Variants in GALNT2 observed in about 807,000 individuals in gnomAD.
GALNT2 encodes the protein polypeptide N-acetylgalactosaminyltransferase 2, also known as UDP-GalNAc:polypeptide N-acetylgalactosaminyltransferase 2.
In GALNT2, 31 loss-of-function variants were observed where a neutral mutation model predicts 81.4. The observed-to-expected ratio is 0.38, with a 90% CI of 0.29 to 0.51. GALNT2 has a LOEUF of 0.51. GALNT2 is among the 20% of genes least tolerant of loss of function. The pLI is 0.87. For missense variants in GALNT2, 629 were observed against 765.7 expected, an observed-to-expected ratio of 0.82 and a Z score of 2.11; for synonymous variants, 303 against 287.4, an observed-to-expected ratio of 1.05 and a Z score of -0.55.
chr1:230,223,491 T>A (rs1347841719), intron 3 of GALNT2, among the ~76,000 whole-genome samples: 10 of 152,032 alleles, frequency 6.6e-5, no homozygotes, highest in Non-Finnish European at 1.3e-4. Flanking sequence ...TTTTTTGAGA[T>A]GGAGTCTTAC....
intron 6 of GALNT2, among the ~76,000 whole-genome samples, chr1:230,237,500 C>T (rs910030162): frequency 2.3e-4 from 35 of 152,160 alleles, no homozygotes; most frequent in Non-Finnish European, 4.4e-4. Flanking sequence ...ATTCCTTCAT[C>T]AGTGTAAAAC....
chr1:230,190,453 C>G (rs143004427), intron 2 of GALNT2, among the ~76,000 whole-genome samples: 4 of 152,244 alleles, frequency 2.6e-5, no homozygotes, highest in African/African-American at 9.6e-5. Flanking sequence ...TCTCTGACAA[C>G]AGGTCCTGAG....
intron 1 of GALNT2, among the ~76,000 whole-genome samples, chr1:230,095,269 C>T (rs59631998): frequency 0.047 from 7,203 of 152,204 alleles, 532 homozygotes; most frequent in East Asian, 0.33. Flanking sequence ...AAAATAGTAA[C>T]CCCACATGCT....
At chr1:230,176,129 A>G (rs1051246056) in intron 1 of GALNT2, among the ~76,000 whole-genome samples, 1 of 152,180 alleles carries the variant, frequency 6.6e-6, no homozygotes, top group African/African-American at 2.4e-5. Flanking sequence ...CACTAGTTTT[A>G]TAGTAGGCAT....
At chr1:230,073,776 C>T (rs1571928531) in intron 1 of GALNT2, among the ~76,000 whole-genome samples, 1 of 152,196 alleles carries the variant, frequency 6.6e-6, no homozygotes, top group African/African-American at 2.4e-5. Flanking sequence ...GGAAATGGGC[C>T]GATCCCTCAT....
intron 1 of GALNT2, among the ~76,000 whole-genome samples, chr1:230,098,701 G>A (rs1463401044): frequency 1.3e-5 from 2 of 152,052 alleles, no homozygotes; most frequent in African/African-American, 2.4e-5. Context: ...TTGATCTGAG[G>A]GCAGGATTTA....
chr1:230,200,618 G>A (rs941571203), intron 2 of GALNT2, among the ~76,000 whole-genome samples: 1 of 152,222 alleles, frequency 6.6e-6, no homozygotes, highest in Non-Finnish European at 1.5e-5. Context: ...ACAAAGAGAT[G>A]TATGGGTGGA....
chr1:230,255,107 G>A (rs1025360390), intron 10 of GALNT2, 111 bp from the exon 11 acceptor site: 1 of 1,478,634 alleles, frequency 6.8e-7, no homozygotes. Flanking sequence ...GAGGGCATGG[G>A]AGCCCCATGA....
chr1:230,157,721 G>A (rs1262955030), intron 1 of GALNT2, among the ~76,000 whole-genome samples: 2 of 152,156 alleles, frequency 1.3e-5, no homozygotes, highest in Non-Finnish European at 2.9e-5. Flanking sequence ...GCATTAAGAA[G>A]CCAGGTCCAA....
intron 3 of GALNT2, among the ~76,000 whole-genome samples, chr1:230,216,535 C>T (rs764266692): frequency 3.9e-5 from 6 of 152,216 alleles, no homozygotes; most frequent in Admixed American, 6.5e-5. Flanking sequence ...AACTCCTGGG[C>T]TCAAGCCATC....
chr1:230,136,009 A>G (rs1661526649), intron 1 of GALNT2, among the ~76,000 whole-genome samples: 1 of 151,958 alleles, frequency 6.6e-6, no homozygotes, highest in Admixed American at 6.6e-5. Flanking sequence ...TCTCTTTCTG[A>G]TCCTTAGTTT....
At chr1:230,076,047 A>G (rs12048446) in intron 1 of GALNT2, among the ~76,000 whole-genome samples, 32,604 of 152,104 alleles carry the variant, frequency 0.21, 6,865 homozygotes, top group African/African-American at 0.55. Context: ...TCCATGCTGT[A>G]GACATCTTGG....
chr1:230,102,802 G>C (rs1660438811), intron 1 of GALNT2, among the ~76,000 whole-genome samples: 1 of 152,178 alleles, frequency 6.6e-6, no homozygotes, highest in Non-Finnish European at 1.5e-5. Flanking sequence ...CAGAGTCTTG[G>C]GTGGTGGAAA....
At chr1:230,060,525 C>T (rs1488580836) in intron 1 of GALNT2, among the ~76,000 whole-genome samples, 1 of 152,120 alleles carries the variant, frequency 6.6e-6, no homozygotes, top group East Asian at 1.9e-4. Flanking sequence ...CATCCCCTCA[C>T]CACCACCACC....
intron 1 of GALNT2, among the ~76,000 whole-genome samples, chr1:230,159,286 T>C (rs1293230784): frequency 1.3e-5 from 2 of 152,210 alleles, no homozygotes; most frequent in African/African-American, 2.4e-5. Context: ...GCCCATGATA[T>C]CTCATCTTTG....
intron 1 of GALNT2, among the ~76,000 whole-genome samples, chr1:230,146,928 A>ATC (rs1661934702): frequency 6.6e-6 from 1 of 152,022 alleles, no homozygotes; most frequent in Non-Finnish European, 1.5e-5. Flanking sequence ...GCACTGTCAG[A>ATC]TCTCGGTGTC....
intron 1 of GALNT2, among the ~76,000 whole-genome samples, chr1:230,073,093 C>T (rs1659426100): frequency 6.6e-6 from 1 of 152,134 alleles, no homozygotes; most frequent in Non-Finnish European, 1.5e-5. Context: ...ATATGCAAAC[C>T]CCCCTGAATG....
intron 14 of GALNT2, among the ~76,000 whole-genome samples, chr1:230,265,643 C>T (rs3748012): frequency 0.073 from 11,139 of 152,246 alleles, 838 homozygotes; most frequent in African/African-American, 0.17. Flanking sequence ...GTTGCAGGGC[C>T]CTGGTCTTCC....
intron 11 of GALNT2, among the ~76,000 whole-genome samples, chr1:230,261,081 CTTTTTT>C (rs60478941): frequency 2.3e-5 from 3 of 130,386 alleles, no homozygotes; most frequent in African/African-American, 8.5e-5. Flanking sequence ...TAAAGTTTCT[CTTTTTT>C]TTTTTTTTTT....
Sources: allele counts gnomAD v4.1 joint callset (sites outside exome capture counted in the v4.1 genomes callset), GRCh38; gene constraint gnomAD v4.1.1; transcripts MANE v1.5; gene names NCBI Gene and HGNC (gene_info 2026-07-23, HGNC 2026-07-21).